PCDHA11: variants seen among roughly 807,000 people sequenced by gnomAD.
The protein encoded by PCDHA11 is protocadherin alpha 11, also known as protocadherin alpha-11.
PCDHA11 carries 61 observed loss-of-function variants against 70.3 expected under a neutral mutation model. That is an observed-to-expected ratio of 0.87 (90% CI 0.71 to 1.07). The LOEUF (loss-of-function observed/expected upper bound fraction) is 1.07, where lower values mean the gene tolerates loss of function less well. PCDHA11 is among the 50% of genes least tolerant of loss of function. The pLI is 0.00. For missense variants in PCDHA11, 1,324 were observed against 1,237.5 expected (o/e 1.07, Z -1.05); for synonymous variants, 633 against 555.1 (o/e 1.14, Z -1.97).
rs781841032 is a variant in PCDHA11 at position 140,870,708 on chromosome 5, C to G, written c.1605C>G (p.Ser535Arg). ...EELELLQFQV[S>R]ARDAGVPPLS... ...TGGAGCTGCTACAGTTCCAGGTGAGCGCGCGCGATGCGGGCGTGCCGCCTC... is the reference window on the plus strand; with the variant it reads ...TGGAGCTGCTACAGTTCCAGGTGAGGGCGCGCGATGCGGGCGTGCCGCCTC... Residue 535 changes from serine to arginine, a missense_variant, in exon 1 of 4, where the codon AGC becomes AGG. Ser to Arg is a moderately radical substitution (Grantham distance 110). Coordinates refer to ENST00000398640, the MANE Select transcript of PCDHA11 (RefSeq NM_018902.5). 29 of 1,612,898 alleles carry G rather than the reference C, an allele frequency of 1.8e-5. No homozygotes were observed. Among genetic ancestry groups the G allele is most frequent in the Non-Finnish European group, 2.5e-5 (29 of 1,179,870 alleles).
At chr5:140,997,481 A>G (rs1563624223) in intron 3 of PCDHA11, among the ~76,000 whole-genome samples, 1 of 152,224 alleles carries the variant, frequency 6.6e-6, no homozygotes, top group Non-Finnish European at 1.5e-5. Flanking sequence ...ACACAATGAT[A>G]AGTATTTGTG....
In PCDHA11 at chr5:140,877,126, C is replaced by G. The variant is rs781947378; in HGVS notation, c.2391+5632C>G. 10 of 1,613,632 alleles carry G rather than the reference C, an allele frequency of 6.2e-6. No homozygotes were observed. The African/African-American group carries it at 1.3e-4, about 22-fold the overall frequency. On this transcript the variant is annotated intron_variant, in intron 1 of 3. Transcript: ENST00000398640. ...GCCTCTGGGCAGCAACGTGACGCTG[C>G]AGGTGTTCGTGCTGGACGAGAACGA... is the stretch of plus-strand genomic sequence containing the variant.
intron 3 of PCDHA11, among the ~76,000 whole-genome samples, chr5:140,987,478 T>A (rs2097255782): frequency 6.6e-6 from 1 of 152,104 alleles, no homozygotes. Flanking sequence ...AGCTTGGGAG[T>A]CAGTGACCCT....
At chr5:140,954,119 C>A (rs547590061) in intron 1 of PCDHA11, among the ~76,000 whole-genome samples, 1 of 152,274 alleles carries the variant, frequency 6.6e-6, no homozygotes, top group African/African-American at 2.4e-5. Flanking sequence ...AGATCTTGTT[C>A]CTTTTTATGG....
chr5:140,940,029 C>T (rs1411990785), intron 1 of PCDHA11, among the ~76,000 whole-genome samples: 4 of 152,136 alleles, frequency 2.6e-5, no homozygotes, highest in East Asian at 1.9e-4. Flanking sequence ...TGTTTTAAGG[C>T]TATTTTATTT....
chr5:140,895,124 T>A (rs2064859568), intron 1 of PCDHA11, among the ~76,000 whole-genome samples: 1 of 152,196 alleles, frequency 6.6e-6, no homozygotes, highest in Non-Finnish European at 1.5e-5. Flanking sequence ...ATTTGTTAGT[T>A]GACAAGTTCA....
chr5:140,960,913 T>C (rs184385777), intron 1 of PCDHA11, among the ~76,000 whole-genome samples: 10 of 152,320 alleles, frequency 6.6e-5, no homozygotes, highest in Admixed American at 2.6e-4. Flanking sequence ...GAGTTTCAGA[T>C]AGAAAATTGG....
At chr5:140,879,799 G>C (rs1165330277) in intron 1 of PCDHA11, among the ~76,000 whole-genome samples, 5 of 152,188 alleles carry the variant, frequency 3.3e-5, no homozygotes, top group Non-Finnish European at 7.3e-5. Flanking sequence ...GTTTCTTCCA[G>C]TTTCTATTGG....
chr5:140,894,571 T>A (rs782019282), intron 1 of PCDHA11, among the ~76,000 whole-genome samples: 5 of 151,906 alleles, frequency 3.3e-5, no homozygotes, highest in Non-Finnish European at 5.9e-5. Context: ...TTATTTTCCT[T>A]TTTTTTAATA....
intron 3 of PCDHA11, among the ~76,000 whole-genome samples, chr5:140,999,495 A>G (rs868986339): frequency 6.6e-6 from 1 of 152,142 alleles, no homozygotes; most frequent in South Asian, 2.1e-4. Flanking sequence ...TATGTTACCC[A>G]AGAACCTACA....
At chr5:140,981,748 G>C (rs975887463) in intron 2 of PCDHA11, among the ~76,000 whole-genome samples, 28 of 151,686 alleles carry the variant, frequency 1.8e-4, no homozygotes, top group African/African-American at 6.8e-4. Context: ...ATATGAGTTA[G>C]TATTAGACAT....
chr5:140,892,408 G>A (rs1323060042), intron 1 of PCDHA11, among the ~76,000 whole-genome samples: 1 of 152,054 alleles, frequency 6.6e-6, no homozygotes, highest in African/African-American at 2.4e-5. Context: ...TCAAGCTTCA[G>A]GTATTCTAGA....
chr5:140,925,337 AT>A (rs1197479455), intron 1 of PCDHA11, among the ~76,000 whole-genome samples: 1 of 152,072 alleles, frequency 6.6e-6, no homozygotes, highest in Non-Finnish European at 1.5e-5. Flanking sequence ...TAAAAGAAGG[AT>A]TTGAGTGAGG....
intron 3 of PCDHA11, among the ~76,000 whole-genome samples, chr5:141,003,070 G>A (rs1588007737): frequency 6.6e-6 from 1 of 152,232 alleles, no homozygotes; most frequent in South Asian, 2.1e-4. Flanking sequence ...AAATGCAGAT[G>A]AGGGTGAGTT....
intron 1 of PCDHA11, chr5:140,968,323 C>T (rs1554230616): frequency 1.2e-6 from 2 of 1,614,114 alleles, no homozygotes; most frequent in East Asian, 2.2e-5. Flanking sequence ...TGCCAGTCAC[C>T]TCCTATGTCT....
In PCDHA11 at chr5:140,877,445, C is replaced by T. The variant is rs782657623; in HGVS notation, c.2391+5951C>T. ...CTGGTGAAGGACCACGGTGAGCCCG[C>T]GCTGACGTCCACGGCCACGGTGCTG... On this transcript the variant is annotated intron_variant, in intron 1 of 3. Transcript: ENST00000398640. 36 of 1,613,714 alleles carry T rather than the reference C, an allele frequency of 2.2e-5. No individual in the cohort carries two copies. The highest frequency in any genetic ancestry group is 3.0e-5 in the Non-Finnish European group (35 of 1,179,874).
intron 1 of PCDHA11, chr5:140,928,716 C>T (rs555492959): frequency 3.1e-6 from 5 of 1,614,178 alleles, no homozygotes; most frequent in East Asian, 4.5e-5. Flanking sequence ...ACTCTAGTCT[C>T]TTTAGAATTT....
At chr5:140,967,820 C>A (rs1162525542) in intron 1 of PCDHA11, 29 of 1,614,052 alleles carry the variant, frequency 1.8e-5, no homozygotes, top group Non-Finnish European at 2.5e-5. Context: ...CTGCAAGGTG[C>A]TGGTGGACAT....
intron 1 of PCDHA11, among the ~76,000 whole-genome samples, chr5:140,900,805 G>C (rs1554189444): frequency 6.6e-6 from 1 of 152,118 alleles, no homozygotes; most frequent in Non-Finnish European, 1.5e-5. Context: ...CATAGTGCTT[G>C]TACTAATTTA....
Sources: gnomAD v4.1 joint callset for allele counts (sites outside exome capture counted in the v4.1 genomes callset) on GRCh38, gnomAD v4.1.1 for gene constraint, MANE v1.5 for transcripts, NCBI Gene and HGNC (gene_info 2026-07-23, HGNC 2026-07-21) for gene names.